ACACB: variants seen among roughly 807,000 people sequenced by gnomAD.
ACACB encodes the protein acetyl-CoA carboxylase 2.
Under a neutral mutation model 278.8 loss-of-function variants are expected in ACACB, and 209 were observed. The ratio of observed to expected loss-of-function variants is 0.75; its 90% CI spans 0.67 to 0.84. The LOEUF (loss-of-function observed/expected upper bound fraction) is 0.84. ACACB is among the 40% of genes least tolerant of loss of function. ACACB has a pLI of 0.00. For missense variants in ACACB, 2,850 were observed against 3,269.0 expected, an observed-to-expected ratio of 0.87 and a Z score of 3.13; for synonymous variants, 1,174 against 1,285.6, an observed-to-expected ratio of 0.91 and a Z score of 1.86.
At chr12:109,212,054 G>A (rs187744147) in intron 21 of ACACB, among the ~76,000 whole-genome samples, 59 of 152,292 alleles carry the variant, frequency 3.9e-4, no homozygotes, top group Middle Eastern at 3.4e-3. Flanking sequence ...ATTGATATGT[G>A]CGGAATGGTA....
rs1483070225 is a variant in ACACB at position 109,265,542 on chromosome 12, C to T, written c.7250+17C>T. 6.2e-7 allele frequency: 1 copy of T among 1,611,514 alleles called. No individual in the cohort carries two copies. Among genetic ancestry groups the T allele is most frequent in the African/African-American group, 1.3e-5 (1 of 74,878 alleles). On this transcript the variant is annotated intron_variant, in intron 52 of 52. Transcript: ENST00000338432. ...CATCCGAGGGTGAGTGGCCACCGCA[C>T]CTGCTTCCCAGCCTCCTGGCAAGGA...
chr12:109,214,285 A>G (rs1404800736), intron 22 of ACACB, among the ~76,000 whole-genome samples: 1 of 152,108 alleles, frequency 6.6e-6, no homozygotes, highest in Non-Finnish European at 1.5e-5. Flanking sequence ...AAAGGAATCA[A>G]AGCATTCTTG....
At chr12:109,264,462 G>T (rs994909674) in intron 50 of ACACB, 76 bp downstream of exon 50, 1 of 1,561,020 alleles carries the variant, frequency 6.4e-7, no homozygotes, top group Admixed American at 1.7e-5. Context: ...TTTGGGCTCG[G>T]GGGCGGGGAG....
intron 50 of ACACB, 101 bp from the exon 51 acceptor site, chr12:109,265,009 C>T: frequency 7.5e-7 from 1 of 1,338,566 alleles, no homozygotes; most frequent in Admixed American, 2.2e-5. Context: ...GATCTCAGAG[C>T]CTGGGCCCAG....
At chr12:109,197,470 T>C (rs915528567) in intron 17 of ACACB, among the ~76,000 whole-genome samples, 3 of 152,118 alleles carry the variant, frequency 2.0e-5, no homozygotes. Flanking sequence ...GCATCTGGGC[T>C]CTGGCATCCA....
At chr12:109,189,493 A>G (rs1158827511) in intron 13 of ACACB, among the ~76,000 whole-genome samples, 1 of 152,182 alleles carries the variant, frequency 6.6e-6, no homozygotes, top group Non-Finnish European at 1.5e-5. Context: ...ACTCACAGGC[A>G]GAAATTCCAG....
chr12:109,217,468 T>G (rs557488124), intron 24 of ACACB, among the ~76,000 whole-genome samples: 1 of 152,056 alleles, frequency 6.6e-6, no homozygotes, highest in Admixed American at 6.6e-5. Flanking sequence ...GGAGTTCAAG[T>G]CCAGCCTAGG....
chr12:109,245,773 C>T, intron 38 of ACACB, 25 bp downstream of exon 38: 2 of 1,610,628 alleles, frequency 1.2e-6, no homozygotes, highest in Non-Finnish European at 1.7e-6. Context: ...GAGCCTAACC[C>T]CTGGCTGGAG....
At chr12:109,117,617 A>G (rs1452603416) in intron 1 of ACACB, among the ~76,000 whole-genome samples, 1 of 152,112 alleles carries the variant, frequency 6.6e-6, no homozygotes, top group African/African-American at 2.4e-5. Flanking sequence ...TTTATTCTGT[A>G]CACTCACACT....
intron 27 of ACACB, among the ~76,000 whole-genome samples, chr12:109,225,035 AG>A (rs1368114274): frequency 6.6e-6 from 1 of 152,172 alleles, no homozygotes; most frequent in African/African-American, 2.4e-5. Context: ...TTACAGCCAC[AG>A]GGTCTCCTGG....
chr12:109,158,836 G>A (rs969769507), intron 2 of ACACB, among the ~76,000 whole-genome samples: 3 of 151,924 alleles, frequency 2.0e-5, no homozygotes, highest in South Asian at 2.1e-4. Flanking sequence ...TTAGCAGAGC[G>A]TGGTAGCACA....
intron 1 of ACACB, among the ~76,000 whole-genome samples, chr12:109,132,623 C>T: frequency 6.6e-6 from 1 of 152,006 alleles, no homozygotes; most frequent in Non-Finnish European, 1.5e-5. Flanking sequence ...AATTCGTATC[C>T]CCATTTTATA....
At position 109,239,853 on chromosome 12, in the gene ACACB, GA is replaced by G; in HGVS notation, c.4688del (p.Asn1563ThrfsTer105). 6.2e-7 allele frequency: 1 copy of G among 1,613,932 alleles called. No homozygotes were observed. Among genetic ancestry groups the G allele is most frequent in the Non-Finnish European group, 8.5e-7 (1 of 1,179,904 alleles). On this transcript the variant is annotated frameshift_variant, in exon 35 of 53. Coordinates refer to ENST00000338432, the MANE Select transcript of ACACB (RefSeq NM_001093.4). LOFTEE classifies it high-confidence loss of function. ...TKEASFEYLQ[N>X]EGERLLLEAM... is the part of the protein sequence containing the mutation. ...AGGAAGCCTCCTTCGAATACCTGCA[GA>G]ACGAGGGTGAGCGGCTGCTCCTGGA...
intron 2 of ACACB, among the ~76,000 whole-genome samples, chr12:109,147,606 C>A (rs1593403021): frequency 6.6e-6 from 1 of 152,048 alleles, no homozygotes; most frequent in Non-Finnish European, 1.5e-5. Flanking sequence ...TCTCCCTACA[C>A]TGGAAGCAAG....
intron 13 of ACACB, among the ~76,000 whole-genome samples, chr12:109,190,261 T>C (rs1383107935): frequency 6.6e-6 from 1 of 152,184 alleles, no homozygotes; most frequent in African/African-American, 2.4e-5. Context: ...GCTAGTTTTG[T>C]ATTTTTAGTA....
intron 13 of ACACB, among the ~76,000 whole-genome samples, chr12:109,189,638 C>T (rs2044792906): frequency 6.6e-6 from 1 of 152,228 alleles, no homozygotes; most frequent in Admixed American, 6.5e-5. Flanking sequence ...ACAAGTCACT[C>T]ACCCGTGAGA....
chr12:109,140,248 T>A lies in ACACB; in HGVS notation c.653+190T>A, dbSNP rs1313752769. On this transcript the variant is annotated intron_variant, in intron 2 of 52. Transcript: ENST00000338432. Reference sequence around the variant, plus strand: ...CTTCCTTCCTTCCTTCCTTCCTTCCTTCCTTCCATCCTTCCTTCCTTCTTT... The same window carrying A: ...CTTCCTTCCTTCCTTCCTTCCTTCCATCCTTCCATCCTTCCTTCCTTCTTT... Among the ~76,000 whole-genome samples the A allele has an allele frequency of 6.1e-3, 819 of 133,918 alleles. 49 individuals are homozygous for A. The highest frequency in any genetic ancestry group is 0.021 in the African/African-American group (755 of 36,796). The allele number at this position is 133,918 out of a possible 152,430, so 87.9% of individuals were successfully genotyped here. A position where few individuals can be genotyped will look rare whatever the true frequency, so the allele number is the denominator to read the frequency against.
chr12:109,167,894 A>G lies in ACACB; in HGVS notation c.787-2A>G, dbSNP rs1442885847. The G allele has an allele frequency of 1.2e-6, 2 of 1,613,826 alleles. No individual in the cohort carries two copies. Among genetic ancestry groups the G allele is most frequent in the Non-Finnish European group, 8.5e-7 (1 of 1,179,930 alleles). On this transcript the variant is annotated splice_acceptor_variant, in intron 3 of 52. Transcript: ENST00000338432. LOFTEE classifies it high-confidence loss of function. ...CAGCTCCTTCCTTGTCTTCCCATGC[A>G]GGTGCTTATTGCCAACAACGGGATT... is the stretch of plus-strand genomic sequence containing the variant.
intron 1 of ACACB, among the ~76,000 whole-genome samples, chr12:109,122,447 G>A (rs2135943601): frequency 6.6e-6 from 1 of 152,162 alleles, no homozygotes; most frequent in Middle Eastern, 3.4e-3. Flanking sequence ...GGTGGCACAT[G>A]CCTGTAATCC....
Sources: gnomAD v4.1 joint callset for allele counts (sites outside exome capture counted in the v4.1 genomes callset) on GRCh38, gnomAD v4.1.1 for gene constraint, MANE v1.5 for transcripts, NCBI Gene and HGNC (gene_info 2026-07-23, HGNC 2026-07-21) for gene names.